The following STK3 variants were observed in gnomAD, a reference collection of about 807,000 sequenced individuals.
STK3 encodes the protein serine/threonine-protein kinase 3.
A neutral mutation model predicts 58.0 loss-of-function variants in STK3; 41 were observed. That is an observed-to-expected ratio of 0.71 (90% confidence interval 0.55 to 0.92). The LOEUF is 0.92. Among genes scored for constraint, STK3 ranks in the 40% least tolerant of loss-of-function variants. The pLI is 0.00. For missense variants in STK3, 479 were observed against 602.7 expected (o/e 0.79, Z 2.15); for synonymous variants, 170 against 191.0 (o/e 0.89, Z 0.91).
At chr8:98,569,715 CTATA>C (rs555600157) in intron 8 of STK3, among the ~76,000 whole-genome samples, 151 of 151,962 alleles carry the variant, frequency 9.9e-4, no homozygotes, top group African/African-American at 3.4e-3. Flanking sequence ...ACAGTTATAA[CTATA>C]TAAGAATTTG....
chr8:98,910,242 T>C (rs924473778), intron 1 of STK3, among the ~76,000 whole-genome samples: 2 of 152,248 alleles, frequency 1.3e-5, no homozygotes, highest in Non-Finnish European at 2.9e-5. Flanking sequence ...ATTTGCCACA[T>C]AGGTATGTAT....
At position 98,477,185 on chromosome 8, in the gene STK3, T is replaced by A. The variant is rs574562985; in HGVS notation, c.1318-21185A>T. Among the ~76,000 whole-genome samples, 21 of 152,334 alleles carry A rather than the reference T, an allele frequency of 1.4e-4. No individual in the cohort carries two copies. The East Asian group carries it at 3.9e-3, about 28-fold the overall frequency. On this transcript the variant is annotated intron_variant, in intron 10 of 10. Coordinates refer to ENST00000419617, the MANE Select transcript of STK3 (RefSeq NM_006281.4). ...CCTCTGCCTTGTCACAGTTTCACAA[T>A]TTACTACTCTTTCGCCAAAAGAGTA...
At chr8:98,833,042 C>T (rs1338992352) in intron 3 of STK3, among the ~76,000 whole-genome samples, 1 of 152,094 alleles carries the variant, frequency 6.6e-6, no homozygotes, top group African/African-American at 2.4e-5. Flanking sequence ...TATTCTGAGC[C>T]AAATGTAAGG....
chr8:98,347,514 CA>C, the STK3 span, among the ~76,000 whole-genome samples: 18 of 120,142 alleles, frequency 1.5e-4, no homozygotes, highest in African/African-American at 5.5e-4. Context: ...GACTCCGTCT[CA>C]AAAAAAAACA....
chr8:98,435,218 C>T (rs906131807), intron 2 of STK3, among the ~76,000 whole-genome samples: 1 of 152,212 alleles, frequency 6.6e-6, no homozygotes, highest in African/African-American at 2.4e-5. Flanking sequence ...GCCAGCCAGA[C>T]AGGGCATGGT....
chr8:98,851,920 C>A (rs1836484476), intron 3 of STK3, among the ~76,000 whole-genome samples: 1 of 151,976 alleles, frequency 6.6e-6, no homozygotes, highest in South Asian at 2.1e-4. Context: ...CCCAGAGGTT[C>A]GAGGCTGTAG....
intron 10 of STK3, among the ~76,000 whole-genome samples, chr8:98,510,086 G>A (rs906159891): frequency 3.3e-5 from 5 of 152,128 alleles, no homozygotes; most frequent in Admixed American, 6.5e-5. Context: ...TGGTGTCCGG[G>A]TTACACACAA....
At chr8:98,783,481 C>T (rs1333140480) in intron 1 of STK3, among the ~76,000 whole-genome samples, 1 of 152,162 alleles carries the variant, frequency 6.6e-6, no homozygotes, top group Non-Finnish European at 1.5e-5. Context: ...ATCATCTGAG[C>T]CTACAACGAG....
chr8:98,428,036 C>A lies in STK3; in HGVS notation n.483+6091G>T. ...AGGCTAACGTCGAGGACGGGGAGAT[C>A]CGCATCAATGTGGGCGGCTTCAAGA... On this transcript the variant is annotated intron_variant and non_coding_transcript_variant, in intron 3 of 3. Coordinates refer to the STK3 transcript ENST00000517832. This position sits in a 1 kb window ranked among gnomAD's most constrained non-coding sequence, Gnocchi z 6.7. The A allele has an allele frequency of 6.2e-7, 1 of 1,608,506 alleles. No homozygotes were observed. Among genetic ancestry groups the A allele is most frequent in the South Asian group, 1.1e-5 (1 of 90,480 alleles).
At chr8:98,460,802 C>T (rs1374950046) in intron 10 of STK3, among the ~76,000 whole-genome samples, 1 of 152,200 alleles carries the variant, frequency 6.6e-6, no homozygotes, top group African/African-American at 2.4e-5. Context: ...AAGCTTGCTT[C>T]ACCTTCACCA....
intron 6 of STK3, among the ~76,000 whole-genome samples, chr8:98,606,881 T>C (rs77883845): frequency 3.0e-4 from 45 of 152,342 alleles, no homozygotes; most frequent in African/African-American, 1.1e-3. Flanking sequence ...TCTAGCAAGT[T>C]ATCAAACCTG....
chr8:98,585,661 C>T (rs1482298363), intron 7 of STK3, among the ~76,000 whole-genome samples: 2 of 151,304 alleles, frequency 1.3e-5, no homozygotes, highest in Non-Finnish European at 2.9e-5. Context: ...ATGGGGATGG[C>T]ATTGAATCTG....
chr8:98,592,738 T>TTTATTTATTTATTTA (rs2129925119), intron 7 of STK3, among the ~76,000 whole-genome samples: 1 of 89,476 alleles, frequency 1.1e-5, no homozygotes, highest in Non-Finnish European at 2.2e-5. Context: ...ACTTACTTTA[T>TTTATTTATTTATTTA]TTATTTATTT....
At chr8:98,711,014 T>C (rs921322513) in intron 4 of STK3, among the ~76,000 whole-genome samples, 2 of 152,178 alleles carry the variant, frequency 1.3e-5, no homozygotes, top group Non-Finnish European at 2.9e-5. Context: ...CCATTGCTCA[T>C]ACCCAGGCAA....
rs1379711721 is a variant in STK3 at position 98,592,396 on chromosome 8, C to T, written c.822+3636G>A. Among the ~76,000 whole-genome samples the T allele has an allele frequency of 2.6e-5, 4 of 152,172 alleles. No homozygotes were observed. In the East Asian group the frequency reaches 7.7e-4, roughly 29 times the overall value. On this transcript the variant is annotated intron_variant, in intron 7 of 10. Transcript: ENST00000419617. ...TTCTGTATGAGGTATCTGTGATTAC[C>T]ATATCCATTCTTCTACTTTTACATT...
chr8:98,907,367 AG>A (rs1291462602), intron 1 of STK3, among the ~76,000 whole-genome samples: 62 of 151,762 alleles, frequency 4.1e-4, no homozygotes, highest in African/African-American at 1.4e-3. Context: ...CAAAAAAATT[AG>A]CCAGGCGTGG....
At chr8:98,634,406 G>A (rs1237436658) in intron 6 of STK3, among the ~76,000 whole-genome samples, 1 of 151,960 alleles carries the variant, frequency 6.6e-6, no homozygotes, top group Non-Finnish European at 1.5e-5. Flanking sequence ...AGGCTGAGGT[G>A]GGAGGATCAC....
chr8:98,936,550 C>T (rs1421027160), intron 1 of STK3, among the ~76,000 whole-genome samples: 1 of 152,202 alleles, frequency 6.6e-6, no homozygotes, highest in East Asian at 1.9e-4. Flanking sequence ...CAAACCAATG[C>T]CCTTAATATA....
At chr8:98,715,452 C>T (rs1563923526) in intron 4 of STK3, among the ~76,000 whole-genome samples, 1 of 151,998 alleles carries the variant, frequency 6.6e-6, no homozygotes, top group East Asian at 1.9e-4. Context: ...AAAAACAACC[C>T]CATCAAAAAG....
Sources: gnomAD v4.1 joint callset for allele counts (sites outside exome capture counted in the v4.1 genomes callset) on GRCh38, gnomAD v4.1.1 for gene constraint, Gnocchi (gnomAD v3.1) non-coding constraint, MANE v1.5 for transcripts, NCBI Gene and HGNC (gene_info 2026-07-23, HGNC 2026-07-21) for gene names.